LRP1B: variants seen among roughly 807,000 people sequenced by gnomAD.
The protein encoded by LRP1B is low-density lipoprotein receptor-related protein 1B.
LRP1B carries 217 observed loss-of-function variants against 556.6 expected under a neutral mutation model. The observed-to-expected ratio is 0.39, with a 90% CI of 0.35 to 0.44. LRP1B has a LOEUF of 0.44. Among genes scored for constraint, LRP1B ranks in the 20% least tolerant of loss-of-function variants. LRP1B has a pLI of 1.00. For missense variants in LRP1B, 5,053 were observed against 5,620.8 expected (o/e 0.90, Z 3.23); for synonymous variants, 2,047 against 1,865.8 (o/e 1.10, Z -2.50).
intron 1 of LRP1B, among the ~76,000 whole-genome samples, chr2:141,857,697 A>C (rs1698106004): frequency 6.6e-6 from 1 of 152,158 alleles, no homozygotes; most frequent in Non-Finnish European, 1.5e-5. Flanking sequence ...AGCAAAATGA[A>C]ATAAAATCTT....
intron 31 of LRP1B, among the ~76,000 whole-genome samples, chr2:140,815,413 C>T (rs1363949457): frequency 2.6e-5 from 4 of 152,080 alleles, no homozygotes; most frequent in Admixed American, 6.5e-5. Context: ...CTCAAGCAAT[C>T]CTCCCACCTC....
chr2:141,789,061 C>G (rs6429922), intron 2 of LRP1B, among the ~76,000 whole-genome samples: 91,670 of 151,730 alleles, frequency 0.6, 28,610 homozygotes, highest in African/African-American at 0.77. Flanking sequence ...TAATGGGATG[C>G]CTGGGTCAAA....
intron 1 of LRP1B, among the ~76,000 whole-genome samples, chr2:142,102,211 T>G (rs1396955125): frequency 2.0e-5 from 3 of 151,872 alleles, no homozygotes; most frequent in African/African-American, 7.2e-5. Flanking sequence ...TCTCAAAACA[T>G]TAGCCTTATG....
intron 8 of LRP1B, among the ~76,000 whole-genome samples, chr2:141,059,723 A>T (rs981061807): frequency 2.0e-5 from 3 of 151,828 alleles, no homozygotes; most frequent in Admixed American, 1.3e-4. Flanking sequence ...CTATCCATAT[A>T]CTTAGTTAAC....
At chr2:142,030,251 G>GA (rs1703643228) in intron 1 of LRP1B, among the ~76,000 whole-genome samples, 1 of 151,870 alleles carries the variant, frequency 6.6e-6, no homozygotes, top group Non-Finnish European at 1.5e-5. Flanking sequence ...AAGTTATGAA[G>GA]AAGGCTATAA....
At chr2:141,794,149 T>G (rs889854627) in intron 2 of LRP1B, among the ~76,000 whole-genome samples, 6 of 151,914 alleles carry the variant, frequency 3.9e-5, no homozygotes, top group African/African-American at 1.4e-4. Flanking sequence ...TCCCCCCACA[T>G]CTTGAATGTG....
rs766138161 is a variant in LRP1B at position 141,062,221 on chromosome 2, T to C, written c.1066A>G (p.Met356Val). The change falls in exon 8 of 91, where the codon ATG becomes GTG. Residue 356 changes from methionine to valine, a missense_variant. By Grantham distance (21) the Met-to-Val change is conservative. Coordinates refer to ENST00000389484, the MANE Select transcript of LRP1B (RefSeq NM_018557.3). ...GNVAKVERCD[M>V]DGMNRTRIID... ...ATCCTTGTTCGGTTCATCCCATCCA[T>C]GTCACATCTCTCCACTTTGGCGACA... The C allele has an allele frequency of 6.2e-7, 1 of 1,611,586 alleles. No homozygotes were observed. Among genetic ancestry groups the C allele is most frequent in the Non-Finnish European group, 8.5e-7 (1 of 1,178,438 alleles).
intron 1 of LRP1B, among the ~76,000 whole-genome samples, chr2:141,895,965 A>ATGTAAGTATT: frequency 6.6e-6 from 1 of 151,374 alleles, no homozygotes; most frequent in East Asian, 1.9e-4. Context: ...TTTAGAAAAT[A>ATGTAAGTATT]TTTAAGTATT....
Position 141,062,242 on chromosome 2 carries a change from C to T in LRP1B, c.1045G>A (p.Ala349Thr), listed in dbSNP as rs769399724. The T allele has an allele frequency of 2.3e-5, 37 of 1,610,478 alleles. No homozygotes were observed. The highest frequency in any genetic ancestry group is 3.4e-5 in the Admixed American group (2 of 59,628). Reference protein sequence around the residue: ...KLFFTDYGNVAKVERCDMDGM... With the variant: ...KLFFTDYGNVTKVERCDMDGM... ...TCCATGTCACATCTCTCCACTTTGG[C>T]GACATTCCCGTAGTCAGTAAAGAAA... The change falls in exon 8 of 91, where the codon GCC (alanine) becomes ACC (threonine). Residue 349 changes from alanine (A) to threonine (T), a missense_variant. Ala to Thr is a moderately conservative substitution (Grantham distance 58, BLOSUM62 0). Coordinates refer to ENST00000389484, the MANE Select transcript of LRP1B (RefSeq NM_018557.3).
intron 1 of LRP1B, among the ~76,000 whole-genome samples, chr2:141,842,574 A>G (rs755435440): frequency 2.6e-5 from 4 of 152,132 alleles, no homozygotes; most frequent in South Asian, 2.1e-4. Flanking sequence ...GACACAAAAT[A>G]GTGTTAAATG....
chr2:140,849,446 T>C (rs1030417489), intron 29 of LRP1B, among the ~76,000 whole-genome samples: 2 of 151,400 alleles, frequency 1.3e-5, no homozygotes, highest in African/African-American at 4.9e-5. Context: ...TCCTTCCTAA[T>C]ATCCTATATT....
chr2:141,534,870 G>T (rs79027834), intron 2 of LRP1B, among the ~76,000 whole-genome samples: 2 of 152,140 alleles, frequency 1.3e-5, no homozygotes, highest in Non-Finnish European at 2.9e-5. Flanking sequence ...ACCTCAGGGA[G>T]AGAATGTACT....
At chr2:140,598,104 G>A (rs893515114) in intron 43 of LRP1B, among the ~76,000 whole-genome samples, 31 of 152,102 alleles carry the variant, frequency 2.0e-4, no homozygotes, top group Non-Finnish European at 4.3e-4. Flanking sequence ...GCTCTCAAGG[G>A]ATAGCATAGC....
rs1553489237 is a variant in LRP1B at position 141,291,878 on chromosome 2, A to AAAAC, written c.344-37238_344-37237insGTTT. On this transcript the variant is annotated intron_variant, in intron 3 of 90. Transcript: ENST00000389484. ...CTCAAAAAAAAAAAAAAAAAAAAAA[A>AAAAC]AAAAAAAAAAAACTTGTTTGGGGTT... Among the ~76,000 whole-genome samples the AAAAC allele has an allele frequency of 2.0e-3, 159 of 77,684 alleles. 2 individuals carry two copies. Among genetic ancestry groups the AAAAC allele is most frequent in the African/African-American group, 5.4e-3 (155 of 28,520 alleles). 51.0% of individuals were successfully genotyped at this position (77,684 alleles called of 152,430 possible). A position where few individuals can be genotyped will look rare whatever the true frequency, so the allele number is the denominator to read the frequency against.
intron 43 of LRP1B, among the ~76,000 whole-genome samples, chr2:140,551,897 A>G (rs1226476894): frequency 6.6e-6 from 1 of 152,194 alleles, no homozygotes; most frequent in Non-Finnish European, 1.5e-5. Flanking sequence ...CACAGGAAGT[A>G]TATGTATTTC....
At chr2:141,132,781 T>C (rs754485789) in intron 7 of LRP1B, among the ~76,000 whole-genome samples, 13 of 152,036 alleles carry the variant, frequency 8.6e-5, no homozygotes, top group Non-Finnish European at 1.6e-4. Flanking sequence ...TGTGTATATA[T>C]ATATTTGGGA....
chr2:140,748,784 A>ATTATATACATGTATATC (rs1559094627), intron 35 of LRP1B, among the ~76,000 whole-genome samples: 2 of 43,066 alleles, frequency 4.6e-5, no homozygotes. Flanking sequence ...ATATGTATAT[A>ATTATATACATGTATATC]ATATATATTA....
chr2:141,101,351 C>G (rs1387259578), intron 7 of LRP1B, among the ~76,000 whole-genome samples: 1 of 152,102 alleles, frequency 6.6e-6, no homozygotes, highest in Non-Finnish European at 1.5e-5. Flanking sequence ...CTATGCCCAT[C>G]TCTATCTCAC....
At chr2:142,018,292 T>G (rs1468728170) in intron 1 of LRP1B, among the ~76,000 whole-genome samples, 1 of 152,176 alleles carries the variant, frequency 6.6e-6, no homozygotes, top group African/African-American at 2.4e-5. Context: ...TGCCATTTTG[T>G]AAATAAATAT....
Sources: gnomAD v4.1 joint callset for allele counts (sites outside exome capture counted in the v4.1 genomes callset) on GRCh38, gnomAD v4.1.1 for gene constraint, MANE v1.5 for transcripts, NCBI Gene and HGNC (gene_info 2026-07-23, HGNC 2026-07-21) for gene names.